The following DLG2 variants were observed in gnomAD, a reference collection of about 807,000 sequenced individuals.
DLG2 encodes the protein discs large MAGUK scaffold protein 2, also known as disks large homolog 2.
DLG2 carries 45 observed loss-of-function variants against 132.5 expected under a neutral mutation model. That is an observed-to-expected ratio of 0.34 (90% confidence interval 0.27 to 0.44). The LOEUF is 0.44. DLG2 is among the 20% of genes least tolerant of loss of function. The pLI, the probability that DLG2 is intolerant of heterozygous loss-of-function variation, is 1.00. For synonymous variants in DLG2, 424 were observed against 419.6 expected (o/e 1.01, Z -0.13); for missense variants, 1,045 against 1,196.9 (o/e 0.87, Z 1.87).
At chr11:85,216,828 T>C (rs2082640666) in intron 4 of DLG2, among the ~76,000 whole-genome samples, 3 of 152,010 alleles carry the variant, frequency 2.0e-5, no homozygotes, top group African/African-American at 7.3e-5. Flanking sequence ...CCCGAATAGC[T>C]GGGATTACAG....
chr11:84,711,007 TAG>T (rs199760485), intron 6 of DLG2, among the ~76,000 whole-genome samples: 3,352 of 68,068 alleles, frequency 0.049, 134 homozygotes, highest in Admixed American at 0.14. Flanking sequence ...CATATATATA[TAG>T]ATATATATAT....
intron 15 of DLG2, among the ~76,000 whole-genome samples, chr11:83,905,179 C>A (rs2074412381): frequency 6.6e-6 from 1 of 152,124 alleles, no homozygotes; most frequent in South Asian, 2.1e-4. Flanking sequence ...GTCATATAAT[C>A]CTCACATTGA....
At chr11:85,431,777 C>A (rs977906647) in intron 3 of DLG2, among the ~76,000 whole-genome samples, 1 of 152,192 alleles carries the variant, frequency 6.6e-6, no homozygotes, top group Non-Finnish European at 1.5e-5. Flanking sequence ...TGAGTGGGGT[C>A]CCCCCAGCAC....
At chr11:83,899,144 C>G (rs2072677062) in intron 15 of DLG2, among the ~76,000 whole-genome samples, 1 of 151,542 alleles carries the variant, frequency 6.6e-6, no homozygotes, top group African/African-American at 2.4e-5. Flanking sequence ...ATGACTTACT[C>G]TTGTTGCTAA....
At chr11:84,837,675 C>T (rs188222400) in intron 6 of DLG2, among the ~76,000 whole-genome samples, 49 of 151,884 alleles carry the variant, frequency 3.2e-4, no homozygotes, top group South Asian at 6.2e-4. Context: ...TATCCCATTG[C>T]TATAGGAATT....
chr11:84,679,971 T>A (rs2099724635), intron 6 of DLG2, among the ~76,000 whole-genome samples: 1 of 152,148 alleles, frequency 6.6e-6, no homozygotes, highest in African/African-American at 2.4e-5. Flanking sequence ...TTAGCTCTCG[T>A]ACTGAGCCAA....
intron 4 of DLG2, among the ~76,000 whole-genome samples, chr11:85,231,374 C>T (rs1010566397): frequency 7.9e-5 from 12 of 151,968 alleles, no homozygotes; most frequent in Non-Finnish European, 1.3e-4. Flanking sequence ...AAGTATTGTA[C>T]TTTTAAGATC....
intron 7 of DLG2, among the ~76,000 whole-genome samples, chr11:84,365,918 A>T (rs1375391268): frequency 6.6e-6 from 1 of 152,056 alleles, no homozygotes; most frequent in Non-Finnish European, 1.5e-5. Flanking sequence ...AACTTCCCCA[A>T]TCTAGCAAGG....
intron 3 of DLG2, among the ~76,000 whole-genome samples, chr11:85,352,779 G>C (rs1391521912): frequency 6.6e-6 from 1 of 152,136 alleles, no homozygotes; most frequent in Non-Finnish European, 1.5e-5. Context: ...AAACTGGCTA[G>C]CCATATGTAG....
In DLG2 at chr11:84,710,050, G is replaced by A. The variant is rs1453368955; in HGVS notation, c.358-175319C>T. Among the ~76,000 whole-genome samples, 5 of 152,002 alleles carry A rather than the reference G, an allele frequency of 3.3e-5. No homozygotes were observed. In the East Asian group the frequency reaches 9.7e-4, roughly 30 times the overall value. On this transcript the variant is annotated intron_variant, in intron 6 of 27. Coordinates refer to ENST00000376104, the MANE Select transcript of DLG2 (RefSeq NM_001142699.3). ...TATGGGCCCTCATCTGATATTAGTT[G>A]TACTTATGAAGAGAGAGTGTCACAT...
At chr11:83,861,336 T>G (rs1168250160) in intron 16 of DLG2, among the ~76,000 whole-genome samples, 2 of 152,114 alleles carry the variant, frequency 1.3e-5, no homozygotes, top group Non-Finnish European at 2.9e-5. Context: ...CTCAAAAAAC[T>G]AAAAATTGAG....
intron 5 of DLG2, among the ~76,000 whole-genome samples, chr11:85,151,874 C>G (rs1009298053): frequency 2.0e-5 from 3 of 152,100 alleles, no homozygotes; most frequent in African/African-American, 7.2e-5. Context: ...TTTAGTGTCT[C>G]GGAACTAACG....
chr11:85,343,217 C>T (rs1354944219), intron 3 of DLG2, among the ~76,000 whole-genome samples: 1 of 152,150 alleles, frequency 6.6e-6, no homozygotes, highest in African/African-American at 2.4e-5. Flanking sequence ...TCTTTTAACC[C>T]AACACAATTC....
chr11:84,665,205 A>G (rs906608326), intron 6 of DLG2, among the ~76,000 whole-genome samples: 4 of 152,156 alleles, frequency 2.6e-5, no homozygotes, highest in African/African-American at 9.6e-5. Flanking sequence ...CAGCTGACCA[A>G]CACATTGATA....
chr11:84,026,778 C>T (rs78313020), intron 11 of DLG2, among the ~76,000 whole-genome samples: 1 of 152,086 alleles, frequency 6.6e-6, no homozygotes, highest in Non-Finnish European at 1.5e-5. Context: ...TGGATTCTAA[C>T]AGGCTTAAGT....
In DLG2 at chr11:83,577,559, AATAT is replaced by A. The variant is rs1167372199; in HGVS notation, c.1941-35705_1941-35702del. Among the ~76,000 whole-genome samples the A allele has an allele frequency of 2.5e-3, 193 of 78,424 alleles. 2 individuals are homozygous for A. Among genetic ancestry groups the A allele is most frequent in the African/African-American group, 7.4e-3 (153 of 20,588 alleles). The allele number at this position is 78,424 out of a possible 152,430, so 51.4% of individuals were successfully genotyped here. On this transcript the variant is annotated intron_variant, in intron 19 of 27. Transcript: ENST00000376104. ...TTCCCTAGAGGGACAGAATTAATAG[AATAT>A]ATATATATATATATATATATATATC...
At chr11:85,097,671 G>A (rs954031235) in intron 6 of DLG2, among the ~76,000 whole-genome samples, 3 of 152,232 alleles carry the variant, frequency 2.0e-5, no homozygotes, top group Admixed American at 2.0e-4. Flanking sequence ...AGATTTTCCT[G>A]TATCCTACAA....
intron 7 of DLG2, among the ~76,000 whole-genome samples, chr11:84,282,950 A>G (rs1207542758): frequency 6.6e-6 from 1 of 152,156 alleles, no homozygotes; most frequent in Admixed American, 6.5e-5. Flanking sequence ...TTTCCTCACA[A>G]CTCAGCACTT....
At chr11:85,481,052 T>C (rs567869289) in intron 3 of DLG2, among the ~76,000 whole-genome samples, 6 of 152,350 alleles carry the variant, frequency 3.9e-5, no homozygotes, top group African/African-American at 1.4e-4. Context: ...TTTCTTCATA[T>C]GTAAAATCAT....
Sources: gnomAD v4.1 joint callset for allele counts (sites outside exome capture counted in the v4.1 genomes callset) on GRCh38, gnomAD v4.1.1 for gene constraint, MANE v1.5 for transcripts, NCBI Gene and HGNC (gene_info 2026-07-23, HGNC 2026-07-21) for gene names.